Variants in FUNDC2 observed in about 807,000 individuals in gnomAD.
FUNDC2 encodes FUN14 domain containing 2.
FUNDC2 carries 4 observed loss-of-function variants against 15.6 expected under a neutral mutation model. That is an observed-to-expected ratio of 0.26 (90% CI 0.13 to 0.59). FUNDC2 has a LOEUF of 0.59. FUNDC2 is among the 20% of genes least tolerant of loss of function. The pLI is 0.90. For synonymous variants in FUNDC2, 44 were observed against 56.9 expected (o/e 0.77, Z 1.02); for missense variants, 98 against 149.7 (o/e 0.65, Z 1.80).
chrX:155,033,247 G>C, intron 1 of FUNDC2, 156 bp from the exon 2 acceptor site: 2 of 440,125 alleles, frequency 4.5e-6, no homozygotes, highest in Non-Finnish European at 7.8e-6. Flanking sequence ...GCTGATTTTA[G>C]TCTGATTTTC....
At chrX:155,039,773 TATG>T (rs2073841940) in intron 2 of FUNDC2, among the ~76,000 whole-genome samples, 1 of 112,077 alleles carries the variant, frequency 8.9e-6, no homozygotes, top group African/African-American at 3.2e-5. Context: ...GATCAGGTAG[TATG>T]ATGATGCCTC....
chrX:155,031,065 T>C (rs920321419), intron 1 of FUNDC2, among the ~76,000 whole-genome samples: 2 of 111,925 alleles, frequency 1.8e-5, no homozygotes, highest in African/African-American at 6.5e-5. Flanking sequence ...TTTTTTACAG[T>C]AAGTATTCAT....
chrX:155,029,168 G>A (rs1192563550), intron 1 of FUNDC2, among the ~76,000 whole-genome samples: 5 of 111,718 alleles, frequency 4.5e-5, no homozygotes, highest in African/African-American at 1.6e-4. Flanking sequence ...CTCCTATGCT[G>A]TAAGGAAGCC....
chrX:155,055,403 A>G lies in FUNDC2; in HGVS notation c.*731A>G, dbSNP rs1022809820. On this transcript the variant is annotated 3_prime_UTR_variant, in exon 5 of 5. Transcript: ENST00000369498. The stretch of plus-strand genomic sequence containing the variant: ...ATGTGAATGAAATATCCTTATCAAA[A>G]CATTAGGGGTGGCCATAACTCCTCT... 6.8e-6 allele frequency: 2 copies of G among 293,566 alleles called. No homozygotes were observed. Among genetic ancestry groups the G allele is most frequent in the East Asian group, 9.6e-5 (2 of 20,941 alleles). 24.2% of individuals were successfully genotyped at this position (293,566 alleles called of 1,213,427 possible).
Position 155,056,292 on chromosome X carries a change from A to G in FUNDC2, c.*1620A>G, listed in dbSNP as rs1557290908. The G allele has an allele frequency of 8.9e-6, 1 of 111,738 alleles. No individual in the cohort carries two copies. Among genetic ancestry groups the G allele is most frequent in the African/African-American group, 3.3e-5 (1 of 30,673 alleles). The allele number at this position is 111,738 out of a possible 1,213,427, so 9.2% of individuals were successfully genotyped here. On this transcript the variant is annotated 3_prime_UTR_variant, in exon 5 of 5. Coordinates refer to ENST00000369498, the MANE Select transcript of FUNDC2 (RefSeq NM_023934.4). Reference sequence around the variant, plus strand: ...ATTGTGAAACAAATATCAAAATGTCATTTTATCATATTTCAGTATGTATCT... The same window carrying G: ...ATTGTGAAACAAATATCAAAATGTCGTTTTATCATATTTCAGTATGTATCT...
rs2073793511 is a variant in FUNDC2, at chrX:155,026,902, C to T, written c.-37C>T. 2 of 1,163,880 alleles carry T rather than the reference C, an allele frequency of 1.7e-6. No individual in the cohort carries two copies. The highest frequency in any genetic ancestry group is 1.1e-6 in the Non-Finnish European group (1 of 874,303). ...TTGCGGAGACTGCAAGCAGCCGCGG[C>T]GCGCCCGGCCCTCCCTCTTCCGCTG... On this transcript the variant is annotated 5_prime_UTR_variant, in exon 1 of 5. Coordinates refer to ENST00000369498, the MANE Select transcript of FUNDC2 (RefSeq NM_023934.4).
At chrX:155,050,976 A>C (rs1476460339) in intron 3 of FUNDC2, 6 of 112,081 alleles carry the variant, frequency 5.4e-5, no homozygotes, top group African/African-American at 1.9e-4. Flanking sequence ...TGAGATTGCC[A>C]AAAATTTGGT....
chrX:155,030,876 G>A (rs1161645948), intron 1 of FUNDC2, among the ~76,000 whole-genome samples: 3 of 109,041 alleles, frequency 2.8e-5, no homozygotes, highest in Non-Finnish European at 1.9e-5. Context: ...TAGTAGAGAC[G>A]GGGTTTTACC....
chrX:155,041,408 AT>A (rs2073845839), intron 2 of FUNDC2, among the ~76,000 whole-genome samples: 1 of 111,383 alleles, frequency 9.0e-6, no homozygotes, highest in African/African-American at 3.3e-5. Flanking sequence ...AGCCTTTCAC[AT>A]TTTACTCCAT....
In FUNDC2 at chrX:155,058,238, G is replaced by A. The variant is rs782159857; in HGVS notation, c.*3566G>A. The A allele has an allele frequency of 9.0e-6, 1 of 111,499 alleles. No homozygotes were observed. The highest frequency in any genetic ancestry group is 3.3e-5 in the African/African-American group (1 of 30,565). The allele number at this position is 111,499 out of a possible 1,213,427, so 9.2% of individuals were successfully genotyped here. ...CAAGTTGGCGGACTAGATTCTACAAGGAATGATCTCTTGCATAATTCTAGC... is the reference window on the plus strand; with the variant it reads ...CAAGTTGGCGGACTAGATTCTACAAAGAATGATCTCTTGCATAATTCTAGC... On this transcript the variant is annotated 3_prime_UTR_variant, in exon 5 of 5. Coordinates refer to ENST00000369498, the MANE Select transcript of FUNDC2 (RefSeq NM_023934.4).
In FUNDC2 at chrX:155,057,047, GTATGAGAA is replaced by G. The variant is rs2073907179; in HGVS notation, c.*2376_*2383del. ...ATTGCAGGTTGGCCTCATCCTGCTA[GTATGAGAA>G]CGGCTGTGAGTTCTGCCCACGGTGT... is the stretch of plus-strand genomic sequence containing the variant. On this transcript the variant is annotated 3_prime_UTR_variant, in exon 5 of 5. Transcript: ENST00000369498. 1.0e-5 allele frequency: 1 copy of G among 96,769 alleles called. No individual in the cohort carries two copies. 8.0% of individuals were successfully genotyped at this position (96,769 alleles called of 1,213,427 possible).
At chrX:155,034,160 C>T (rs1569560169) in intron 2 of FUNDC2, among the ~76,000 whole-genome samples, 1 of 112,439 alleles carries the variant, frequency 8.9e-6, no homozygotes, top group African/African-American at 3.2e-5. Flanking sequence ...ACGTGGCTAG[C>T]GCCCTAGAAA....
chrX:155,046,210 C>T (rs929997471), intron 2 of FUNDC2, among the ~76,000 whole-genome samples: 3 of 110,620 alleles, frequency 2.7e-5, no homozygotes, highest in Non-Finnish European at 3.8e-5. Flanking sequence ...GCTACCTCAC[C>T]GTCTTAACTA....
At chrX:155,049,294 G>A (rs1420246223) in intron 3 of FUNDC2, 1 of 113,008 alleles carries the variant, frequency 8.8e-6, no homozygotes, top group African/African-American at 3.2e-5. Context: ...GTAATGCCAA[G>A]GAGAGCAGGA....
At chrX:155,029,140 T>C (rs1372977366) in intron 1 of FUNDC2, among the ~76,000 whole-genome samples, 7 of 111,647 alleles carry the variant, frequency 6.3e-5, no homozygotes, top group Admixed American at 1.9e-4. Context: ...TCTTGGGACT[T>C]TCACCTCCTG....
chrX:155,027,104 G>A, intron 1 of FUNDC2, 33 bp downstream of exon 1: 1 of 1,089,346 alleles, frequency 9.2e-7, no homozygotes, highest in Non-Finnish European at 1.2e-6. Context: ...CCGGCGCCGC[G>A]GGGAGCCGCC....
At chrX:155,028,406 C>T (rs1184720630) in intron 1 of FUNDC2, among the ~76,000 whole-genome samples, 3 of 111,649 alleles carry the variant, frequency 2.7e-5, no homozygotes, top group Non-Finnish European at 5.6e-5. Context: ...CTCACTGCAG[C>T]CCCAGTGGAG....
chrX:155,051,839 T>C, intron 4 of FUNDC2, 38 bp downstream of exon 4: 1 of 1,193,313 alleles, frequency 8.4e-7, no homozygotes, highest in Non-Finnish European at 1.1e-6. Context: ...GTGTGAACAG[T>C]GCAGACAAAA....
intron 1 of FUNDC2, among the ~76,000 whole-genome samples, chrX:155,030,344 A>G (rs1429788996): frequency 2.0e-5 from 2 of 101,275 alleles, no homozygotes; most frequent in Non-Finnish European, 4.0e-5. Flanking sequence ...CAGCCTAGGC[A>G]ACAAAGTGAG....
Sources: allele counts gnomAD v4.1 joint callset (sites outside exome capture counted in the v4.1 genomes callset), GRCh38; gene constraint gnomAD v4.1.1; transcripts MANE v1.5; gene names NCBI Gene and HGNC (gene_info 2026-07-23, HGNC 2026-07-21).